The following MEGF6 variants were observed in gnomAD, a reference collection of about 807,000 sequenced individuals.
MEGF6 encodes multiple epidermal growth factor-like domains protein 6.
Under a neutral mutation model 207.1 loss-of-function variants are expected in MEGF6, and 184 were observed. The ratio of observed to expected loss-of-function variants is 0.89; its 90% CI spans 0.79 to 1.00. The LOEUF (loss-of-function observed/expected upper bound fraction) is 1.00. MEGF6 is among the 50% of genes least tolerant of loss of function. MEGF6 has a pLI of 0.00. For synonymous variants in MEGF6, 1,038 were observed against 910.0 expected (o/e 1.14, Z -2.53); for missense variants, 2,282 against 2,202.9 (o/e 1.04, Z -0.72).
chr1:3,557,102 G>C (rs981896006), intron 4 of MEGF6, among the ~76,000 whole-genome samples: 1 of 152,090 alleles, frequency 6.6e-6, no homozygotes, highest in African/African-American at 2.4e-5. Flanking sequence ...AAGGAGCCAC[G>C]AGCCAAGGAA....
In MEGF6 at chr1:3,573,789, G is replaced by T. The variant is rs115334335; in HGVS notation, c.481+6036C>A. Among the ~76,000 whole-genome samples, 1 of 152,170 alleles carries T rather than the reference G, an allele frequency of 6.6e-6. No individual in the cohort carries two copies. Among genetic ancestry groups the T allele is most frequent in the Non-Finnish European group, 1.5e-5 (1 of 68,028 alleles). On this transcript the variant is annotated intron_variant, in intron 4 of 36. Transcript: ENST00000356575. The surrounding 1 kb of genome is among the most constrained non-coding windows in gnomAD (Gnocchi z 5.1). ...GTCGCCAAGAGCAGCCCTGGGTGGC[G>T]TCTGGAGCTCGGGCGAGGGGTCAGA... is the stretch of plus-strand genomic sequence containing the variant.
At chr1:3,497,507 GC>G in intron 26 of MEGF6, 146 bp from the exon 27 acceptor site, 4 of 1,130,016 alleles carry the variant, frequency 3.5e-6, no homozygotes, top group African/African-American at 1.6e-5. Context: ...CACACCTGGA[GC>G]CCCCCGCCAC....
rs75303044 is a variant in MEGF6, at chr1:3,604,573, G to A, written c.132-1973C>T. The stretch of plus-strand genomic sequence containing the variant: ...GGAGAGCGAGACTTCCAAAATCCCC[G>A]ACTATTTCTACCTGGGAGCTGGGGA... On this transcript the variant is annotated intron_variant, in intron 1 of 36. Transcript: ENST00000356575. Among the ~76,000 whole-genome samples the A allele has an allele frequency of 2.4e-3, 363 of 152,254 alleles. 3 individuals are homozygous for A. Among genetic ancestry groups the A allele is most frequent in the Admixed American group, 5.7e-3 (87 of 15,290 alleles).
chr1:3,505,738 C>A (rs1010997535), intron 15 of MEGF6, among the ~76,000 whole-genome samples, 182 bp from the exon 16 acceptor site: 1 of 152,216 alleles, frequency 6.6e-6, no homozygotes, highest in African/African-American at 2.4e-5. Context: ...GGATGGGTGA[C>A]CCCACCAGGG....
At chr1:3,590,557 G>A (rs895633584) in intron 3 of MEGF6, among the ~76,000 whole-genome samples, 8 of 152,326 alleles carry the variant, frequency 5.3e-5, no homozygotes, top group South Asian at 2.1e-4. Flanking sequence ...AGCAGCTTCC[G>A]GCCAGTCTCA....
upstream of MEGF6, among the ~76,000 whole-genome samples, chr1:3,612,551 G>A (rs555324440): frequency 6.6e-6 from 1 of 152,268 alleles, no homozygotes; most frequent in East Asian, 1.9e-4. Context: ...GACCGGATGG[G>A]GGCCAGGTGT....
upstream of MEGF6, among the ~76,000 whole-genome samples, chr1:3,612,772 CT>C (rs1644345596): frequency 6.7e-6 from 1 of 149,954 alleles, no homozygotes; most frequent in Non-Finnish European, 1.5e-5. Flanking sequence ...GGAGCACCCC[CT>C]GACTGTCCCG....
intron 3 of MEGF6, among the ~76,000 whole-genome samples, chr1:3,580,545 A>G (rs2821050): frequency 0.66 from 100,786 of 152,056 alleles, 35,983 homozygotes; most frequent in Non-Finnish European, 0.79. Context: ...CCTGAGAGGC[A>G]AGGCAGGGGC....
chr1:3,590,115 C>A (rs975305243), intron 3 of MEGF6, among the ~76,000 whole-genome samples: 1 of 152,154 alleles, frequency 6.6e-6, no homozygotes, highest in African/African-American at 2.4e-5. Flanking sequence ...TGAGGAGTTG[C>A]GGGGTACAGG....
chr1:3,594,568 T>A lies in MEGF6; in HGVS notation c.376+770A>T, dbSNP rs1424233498. 6.6e-6 allele frequency among the ~76,000 whole-genome samples: 1 copy of A among 151,934 alleles called. No homozygotes were observed. Among genetic ancestry groups the A allele is most frequent in the Non-Finnish European group, 1.5e-5 (1 of 67,960 alleles). On this transcript the variant is annotated intron_variant, in intron 3 of 36. Coordinates refer to ENST00000356575, the MANE Select transcript of MEGF6 (RefSeq NM_001409.4). The surrounding 1 kb of genome is among the most constrained non-coding windows in gnomAD (Gnocchi z 4.2). Reference sequence around the variant, plus strand: ...GGGAGGCCGGCTTTATGGGACAGGGTCCCATGACCTCTGGACTGACCCCTC... The same window carrying A: ...GGGAGGCCGGCTTTATGGGACAGGGACCCATGACCTCTGGACTGACCCCTC...
chr1:3,543,612 A>C (rs1322477972), intron 4 of MEGF6, among the ~76,000 whole-genome samples: 1 of 152,206 alleles, frequency 6.6e-6, no homozygotes, highest in Non-Finnish European at 1.5e-5. Context: ...CAGGAGAGGA[A>C]GCGTCGGCAC....
At chr1:3,552,325 A>T (rs959900228) in intron 4 of MEGF6, among the ~76,000 whole-genome samples, 3 of 152,222 alleles carry the variant, frequency 2.0e-5, no homozygotes, top group African/African-American at 7.2e-5. Flanking sequence ...CCACAGGAAC[A>T]CAAGCTGCCT....
At chr1:3,526,190 C>T (rs1370216452) in intron 4 of MEGF6, among the ~76,000 whole-genome samples, 3 of 152,178 alleles carry the variant, frequency 2.0e-5, no homozygotes, top group East Asian at 1.9e-4. Context: ...CTGGGCATGG[C>T]GGAAGCTTTG....
At position 3,501,091 on chromosome 1, in the gene MEGF6, C is replaced by T. The variant is rs1386760302; in HGVS notation, c.2450G>A (p.Cys817Tyr). 1.2e-6 allele frequency: 2 copies of T among 1,612,696 alleles called. No individual in the cohort carries two copies. The highest frequency in any genetic ancestry group is 1.7e-6 in the Non-Finnish European group (2 of 1,179,894). ...GFVGSRCQDV[C>Y]PAGWYGPSCQ... ...GCTGGGACCATACCAGCCTGCTGGG[C>T]ACACTACAGGCAGGCGAGAGAGGGT... Residue 817 changes from cysteine to tyrosine, a missense_variant, in exon 20 of 37, where the codon TGC becomes TAC. Physicochemically the swap from Cys to Tyr is radical, Grantham distance 194. Transcript: ENST00000356575.
At chr1:3,515,288 C>A in intron 6 of MEGF6, 114 bp downstream of exon 6, 1 of 1,288,390 alleles carries the variant, frequency 7.8e-7, no homozygotes, top group Non-Finnish European at 1.1e-6. Flanking sequence ...CCCTACCAGG[C>A]CTCTCAGCAG....
At chr1:3,558,865 C>T (rs1052031382) in intron 4 of MEGF6, among the ~76,000 whole-genome samples, 1 of 152,038 alleles carries the variant, frequency 6.6e-6, no homozygotes, top group African/African-American at 2.4e-5. Context: ...ACCATCTCTA[C>T]AATTTTTTTT....
intron 1 of MEGF6, among the ~76,000 whole-genome samples, chr1:3,607,837 G>A (rs1313693729): frequency 1.3e-5 from 2 of 152,240 alleles, no homozygotes; most frequent in Non-Finnish European, 2.9e-5. Flanking sequence ...GAGCAGAGCC[G>A]GGGCTCCACG....
At chr1:3,586,196 G>A (rs117934925) in intron 3 of MEGF6, among the ~76,000 whole-genome samples, 2,344 of 149,554 alleles carry the variant, frequency 0.016, 57 homozygotes, top group South Asian at 0.098. Context: ...GTGGACACAC[G>A]TGCTGTGTGT....
In MEGF6 at chr1:3,524,129, C is replaced by A. The variant is rs755467862; in HGVS notation, c.599G>T (p.Cys200Phe). The A allele has an allele frequency of 2.5e-6, 4 of 1,611,762 alleles. No homozygotes were observed. The South Asian group carries it at 4.4e-5, about 18-fold the overall frequency. Residue 200 changes from cysteine (C) to phenylalanine (F), a missense_variant, in exon 5 of 37, where the codon TGC (cysteine) becomes TTC (phenylalanine). Physicochemically the swap from Cys to Phe is radical, Grantham distance 205 (BLOSUM62 -2). Transcript: ENST00000356575. ...GGTCTCCAGGCGACACTCACCCAGG[C>A]AGGTCCTGCTGTCAGTGTGGAGCCG... ...GFRLHTDSRT[C>F]LAINSCALGN...
Sources: allele counts gnomAD v4.1 joint callset (sites outside exome capture counted in the v4.1 genomes callset), GRCh38; gene constraint gnomAD v4.1.1; non-coding constraint Gnocchi (gnomAD v3.1); transcripts MANE v1.5; gene names NCBI Gene and HGNC (gene_info 2026-07-23, HGNC 2026-07-21).